The following HS6ST3 variants were observed in gnomAD, a reference collection of about 807,000 sequenced individuals.
The protein encoded by HS6ST3 is heparan sulfate 6-O-sulfotransferase 3.
In HS6ST3, 12 loss-of-function variants were observed where a neutral mutation model predicts 36.7. The observed-to-expected ratio is 0.33, with a 90% CI of 0.21 to 0.53. HS6ST3 has a LOEUF of 0.53. Among genes scored for constraint, HS6ST3 ranks in the 20% least tolerant of loss-of-function variants. The pLI is 0.95. For missense variants in HS6ST3, 584 were observed against 640.9 expected, an observed-to-expected ratio of 0.91 and a Z score of 0.96; for synonymous variants, 240 against 257.5, an observed-to-expected ratio of 0.93 and a Z score of 0.65.
At position 96,176,224 on chromosome 13, in the gene HS6ST3, T is replaced by A. The variant is rs532236221; in HGVS notation, c.707+84655T>A. Among the ~76,000 whole-genome samples the A allele has an allele frequency of 5.3e-5, 8 of 152,276 alleles. No homozygotes were observed. In the East Asian group the frequency reaches 9.6e-4, roughly 18 times the overall value. ...AAACAACCTTTCCTCACACAACTCA[T>A]CAATTACCTCTGTAAGATACAACAC... is the stretch of plus-strand genomic sequence containing the variant. On this transcript the variant is annotated intron_variant, in intron 1 of 1. Coordinates refer to ENST00000376705, the MANE Select transcript of HS6ST3 (RefSeq NM_153456.4).
At chr13:96,249,243 G>A (rs2054597351) in intron 1 of HS6ST3, among the ~76,000 whole-genome samples, 1 of 152,148 alleles carries the variant, frequency 6.6e-6, no homozygotes, top group Non-Finnish European at 1.5e-5. Flanking sequence ...ATAGTAGGGA[G>A]GAAATACATT....
intron 1 of HS6ST3, among the ~76,000 whole-genome samples, chr13:96,397,622 G>A (rs1305993546): frequency 6.6e-6 from 1 of 152,156 alleles, no homozygotes; most frequent in Non-Finnish European, 1.5e-5. Flanking sequence ...CACCAGAGAA[G>A]GTAGTAGGCT....
chr13:96,130,189 C>CT (rs1312610856), intron 1 of HS6ST3, among the ~76,000 whole-genome samples: 1 of 152,150 alleles, frequency 6.6e-6, no homozygotes, highest in Non-Finnish European at 1.5e-5. Context: ...TCAAACTTTA[C>CT]TTGGTAGGGA....
At chr13:96,706,803 G>A (rs749662703) in intron 1 of HS6ST3, among the ~76,000 whole-genome samples, 19 of 152,026 alleles carry the variant, frequency 1.2e-4, no homozygotes, top group Non-Finnish European at 2.2e-4. Context: ...GGAGGCTCAC[G>A]TGACTGAGTC....
intron 1 of HS6ST3, among the ~76,000 whole-genome samples, chr13:96,320,450 T>C (rs934614774): frequency 6.6e-6 from 1 of 152,182 alleles, no homozygotes; most frequent in African/African-American, 2.4e-5. Context: ...TTAGTTGCTT[T>C]TTACAATTGT....
At chr13:96,608,137 T>G (rs1467588740) in intron 1 of HS6ST3, among the ~76,000 whole-genome samples, 1 of 152,220 alleles carries the variant, frequency 6.6e-6, no homozygotes, top group Non-Finnish European at 1.5e-5. Context: ...AAAGAATTAT[T>G]CATCTTTGGA....
At chr13:96,123,406 T>C (rs1422780842) in intron 1 of HS6ST3, among the ~76,000 whole-genome samples, 1 of 152,246 alleles carries the variant, frequency 6.6e-6, no homozygotes, top group African/African-American at 2.4e-5. Flanking sequence ...AAATAGAGTT[T>C]TAAATTCAGT....
intron 1 of HS6ST3, among the ~76,000 whole-genome samples, chr13:96,674,530 CAG>C (rs1453907122): frequency 2.6e-5 from 4 of 152,050 alleles, no homozygotes; most frequent in Admixed American, 2.6e-4. Flanking sequence ...ACTCTGGGAA[CAG>C]GGGGAAGTTA....
At chr13:96,127,139 A>G (rs968141362) in intron 1 of HS6ST3, among the ~76,000 whole-genome samples, 4 of 152,200 alleles carry the variant, frequency 2.6e-5, no homozygotes, top group Non-Finnish European at 5.9e-5. Context: ...CTACCAAACA[A>G]TGTGATAGTA....
In HS6ST3 at chr13:96,094,061, A is replaced by G. The variant is rs141697483; in HGVS notation, c.707+2492A>G. Among the ~76,000 whole-genome samples the G allele has an allele frequency of 1.2e-3, 176 of 152,246 alleles. 1 individual carries two copies. Among genetic ancestry groups the G allele is most frequent in the African/African-American group, 4.1e-3 (170 of 41,544 alleles). ...ATTTCACTCAGAGATCAATGCCCTT[A>G]TGGATCACATAATGGATAAGAGTAA... On this transcript the variant is annotated intron_variant, in intron 1 of 1. Transcript: ENST00000376705.
At chr13:96,633,497 T>A (rs993752069) in intron 1 of HS6ST3, among the ~76,000 whole-genome samples, 1 of 152,192 alleles carries the variant, frequency 6.6e-6, no homozygotes, top group African/African-American at 2.4e-5. Flanking sequence ...ATTTCAATTC[T>A]AAGATAAAAG....
chr13:96,636,818 C>A (rs377615115), intron 1 of HS6ST3, among the ~76,000 whole-genome samples: 1 of 151,998 alleles, frequency 6.6e-6, no homozygotes, highest in Non-Finnish European at 1.5e-5. Flanking sequence ...TCAGTAGAAG[C>A]CAGTTATGAA....
At chr13:96,427,500 ATAT>A (rs1566358137) in intron 1 of HS6ST3, among the ~76,000 whole-genome samples, 1 of 151,868 alleles carries the variant, frequency 6.6e-6, no homozygotes, top group African/African-American at 2.4e-5. Flanking sequence ...TTTGATTTTT[ATAT>A]TATTAGTCAT....
intron 1 of HS6ST3, among the ~76,000 whole-genome samples, chr13:96,167,409 A>G (rs529305229): frequency 3.3e-5 from 5 of 152,284 alleles, no homozygotes; most frequent in East Asian, 1.9e-4. Flanking sequence ...AGGAGGAAGG[A>G]CAAACATCTA....
intron 1 of HS6ST3, among the ~76,000 whole-genome samples, chr13:96,301,793 C>T (rs1189284626): frequency 6.6e-6 from 1 of 150,956 alleles, no homozygotes; most frequent in Non-Finnish European, 1.5e-5. Flanking sequence ...GCCTTTAATC[C>T]CAGCTACTCG....
intron 1 of HS6ST3, among the ~76,000 whole-genome samples, chr13:96,708,250 T>G (rs1056598657): frequency 4.6e-5 from 7 of 152,172 alleles, no homozygotes; most frequent in Non-Finnish European, 7.4e-5. Context: ...TTTACCCTTT[T>G]CCATAATTAT....
intron 1 of HS6ST3, among the ~76,000 whole-genome samples, chr13:96,794,460 G>A (rs565197316): frequency 2.6e-5 from 4 of 152,000 alleles, no homozygotes; most frequent in Non-Finnish European, 5.9e-5. Context: ...TAGATTTCCT[G>A]AATATTTGTG....
At chr13:96,743,766 A>T (rs1309317677) in intron 1 of HS6ST3, among the ~76,000 whole-genome samples, 3 of 152,058 alleles carry the variant, frequency 2.0e-5, no homozygotes, top group African/African-American at 7.2e-5. Flanking sequence ...GGTAGGGTCT[A>T]ATTTTTGAAG....
chr13:96,427,554 ATAT>A (rs1441970565), intron 1 of HS6ST3, among the ~76,000 whole-genome samples: 7 of 151,826 alleles, frequency 4.6e-5, no homozygotes, highest in African/African-American at 1.4e-4. Context: ...ATATTATGAT[ATAT>A]TATTTTAATT....
Sources: allele counts gnomAD v4.1 joint callset (sites outside exome capture counted in the v4.1 genomes callset), GRCh38; gene constraint gnomAD v4.1.1; transcripts MANE v1.5; gene names NCBI Gene and HGNC (gene_info 2026-07-23, HGNC 2026-07-21).